Variants in TBC1D5 observed in about 807,000 individuals in gnomAD.
TBC1D5 encodes TBC1 domain family, member 5.
TBC1D5 carries 75 observed loss-of-function variants against 100.3 expected under a neutral mutation model. That is an observed-to-expected ratio of 0.75 (90% confidence interval 0.62 to 0.91). The LOEUF is 0.91. Among genes scored for constraint, TBC1D5 ranks in the 40% least tolerant of loss-of-function variants. The pLI is 0.00. For missense variants in TBC1D5, 910 were observed against 942.4 expected, an observed-to-expected ratio of 0.97 and a Z score of 0.45; for synonymous variants, 323 against 325.6, an observed-to-expected ratio of 0.99 and a Z score of 0.09.
At chr3:17,264,885 G>C (rs1197866719) in intron 15 of TBC1D5, among the ~76,000 whole-genome samples, 4 of 152,176 alleles carry the variant, frequency 2.6e-5, no homozygotes, top group Non-Finnish European at 4.4e-5. Context: ...CAGAGGGCAG[G>C]TCTGACAGTT....
rs2095795178 is a variant in TBC1D5, at chr3:17,502,176, T to G, written c.97+6298A>C. Among the ~76,000 whole-genome samples the G allele has an allele frequency of 2.0e-5, 3 of 149,846 alleles. 1 individual carries two copies. The highest frequency in any genetic ancestry group is 7.6e-5 in the African/African-American group (3 of 39,570). On this transcript the variant is annotated intron_variant, in intron 3 of 21. Transcript: ENST00000253692. The stretch of plus-strand genomic sequence containing the variant: ...CACTGATTTTTACTTTTCCTAATAC[T>G]GTTGTGCCTTTTCTCTTCTATTCCT...
intron 3 of TBC1D5, among the ~76,000 whole-genome samples, chr3:17,481,776 C>T (rs909867348): frequency 2.6e-5 from 4 of 152,170 alleles, no homozygotes; most frequent in African/African-American, 9.7e-5. Flanking sequence ...GCTCTTGTCG[C>T]CCAGGATGGA....
At chr3:17,636,795 C>A (rs984388266) in intron 1 of TBC1D5, among the ~76,000 whole-genome samples, 1 of 150,156 alleles carries the variant, frequency 6.7e-6, no homozygotes, top group Non-Finnish European at 1.5e-5. Context: ...AGCGAGACTC[C>A]GTCTCAAAAA....
chr3:17,354,285 A>ACC (rs2090970921), intron 13 of TBC1D5, among the ~76,000 whole-genome samples: 1 of 152,136 alleles, frequency 6.6e-6, no homozygotes, highest in Non-Finnish European at 1.5e-5. Context: ...ATGCATTCTT[A>ACC]CCCATTTGAG....
chr3:17,682,798 T>C (rs748434556), intron 1 of TBC1D5, among the ~76,000 whole-genome samples: 7 of 151,622 alleles, frequency 4.6e-5, no homozygotes, highest in Non-Finnish European at 1.0e-4. Flanking sequence ...TGTTGTAACA[T>C]TATTTACTTG....
At chr3:17,662,086 C>T (rs574591763) in intron 1 of TBC1D5, among the ~76,000 whole-genome samples, 4 of 152,194 alleles carry the variant, frequency 2.6e-5, no homozygotes, top group African/African-American at 7.2e-5. Flanking sequence ...GACAGGGTCT[C>T]GCTACGTTGC....
At chr3:17,509,450 C>T (rs1179358365) in intron 2 of TBC1D5, among the ~76,000 whole-genome samples, 3 of 152,022 alleles carry the variant, frequency 2.0e-5, no homozygotes, top group African/African-American at 7.2e-5. Context: ...AAGGTTTGTA[C>T]CTAATAGAAC....
chr3:17,360,513 C>T (rs917497247), intron 13 of TBC1D5, among the ~76,000 whole-genome samples: 1 of 151,856 alleles, frequency 6.6e-6, no homozygotes, highest in African/African-American at 2.4e-5. Context: ...AAGGTATGTT[C>T]TATCATGAAC....
chr3:17,157,604 G>A (rs2124929444), exon 22 of TBC1D5: 1 of 152,410 alleles, frequency 6.6e-6, no homozygotes, highest in South Asian at 2.1e-4. Context: ...CAGGAAAGGA[G>A]GGATGGAATT....
intron 19 of TBC1D5, chr3:17,184,568 C>T (rs2068794532): frequency 6.6e-6 from 1 of 152,092 alleles, no homozygotes; most frequent in Admixed American, 6.6e-5. Context: ...CACTCTGTCA[C>T]CCAGGCTGGA....
At chr3:17,597,712 A>G (rs1057513637) in intron 2 of TBC1D5, among the ~76,000 whole-genome samples, 1 of 152,194 alleles carries the variant, frequency 6.6e-6, no homozygotes, top group Non-Finnish European at 1.5e-5. Context: ...TTAATCTCAT[A>G]TTAGTATATA....
chr3:17,584,961 T>G (rs973127054), intron 2 of TBC1D5, among the ~76,000 whole-genome samples: 4 of 152,028 alleles, frequency 2.6e-5, no homozygotes, highest in Admixed American at 2.0e-4. Context: ...CAGCCAACAT[T>G]TATTTTTTCG....
chr3:17,278,489 G>A (rs2080251927), intron 15 of TBC1D5, among the ~76,000 whole-genome samples: 1 of 152,158 alleles, frequency 6.6e-6, no homozygotes. Flanking sequence ...AAATGAGATA[G>A]AAATGAATTA....
chr3:17,723,741 A>T (rs1220423484), intron 1 of TBC1D5, among the ~76,000 whole-genome samples: 2 of 152,166 alleles, frequency 1.3e-5, no homozygotes, highest in African/African-American at 4.8e-5. Context: ...TGTAGATACC[A>T]GTCTATTTAT....
intron 19 of TBC1D5, among the ~76,000 whole-genome samples, chr3:17,175,948 T>C (rs1279657653): frequency 6.6e-6 from 1 of 152,222 alleles, no homozygotes; most frequent in Non-Finnish European, 1.5e-5. Context: ...TCCAAAGCCC[T>C]TGAGCTACCT....
At chr3:17,610,820 C>T (rs1202348850) in intron 2 of TBC1D5, among the ~76,000 whole-genome samples, 1 of 152,080 alleles carries the variant, frequency 6.6e-6, no homozygotes, top group Non-Finnish European at 1.5e-5. Context: ...AGTTCGAGAC[C>T]AGCCTGGACA....
At chr3:17,193,542 T>A (rs1235170324) in intron 18 of TBC1D5, among the ~76,000 whole-genome samples, 1 of 152,184 alleles carries the variant, frequency 6.6e-6, no homozygotes, top group Non-Finnish European at 1.5e-5. Context: ...GCATGTAAGG[T>A]TCACAAAATT....
chr3:17,418,176 A>G (rs1302249530), intron 4 of TBC1D5, among the ~76,000 whole-genome samples: 2 of 152,158 alleles, frequency 1.3e-5, no homozygotes, highest in East Asian at 3.8e-4. Context: ...ATTCCATAGC[A>G]GCTTTATTGA....
intron 1 of TBC1D5, chr3:17,706,304 C>G (rs1307252157): frequency 6.6e-7 from 1 of 1,515,708 alleles, no homozygotes; most frequent in Non-Finnish European, 8.9e-7. Flanking sequence ...CTCACCTTTT[C>G]TGTTCAAACC....
Sources: gnomAD v4.1 joint callset for allele counts (sites outside exome capture counted in the v4.1 genomes callset) on GRCh38, gnomAD v4.1.1 for gene constraint, MANE v1.5 for transcripts, NCBI Gene and HGNC (gene_info 2026-07-23, HGNC 2026-07-21) for gene names.